CSMD1: variants seen among roughly 807,000 people sequenced by gnomAD.
CSMD1 encodes the protein CUB and Sushi multiple domains 1, also known as CUB and sushi domain-containing protein 1.
Under a neutral mutation model 417.5 loss-of-function variants are expected in CSMD1, and 213 were observed. The observed-to-expected ratio is 0.51, with a 90% CI of 0.46 to 0.57. CSMD1 has a LOEUF of 0.57. CSMD1 is among the 20% of genes least tolerant of loss of function. CSMD1 has a pLI of 0.00. For synonymous variants in CSMD1, 2,862 were observed against 1,736.8 expected (o/e 1.65, Z -16.11); for missense variants, 6,923 against 4,529.7 (o/e 1.53, Z -15.17).
intron 7 of CSMD1, among the ~76,000 whole-genome samples, chr8:3,683,955 C>T (rs772592364): frequency 2.0e-5 from 3 of 151,766 alleles, no homozygotes; most frequent in South Asian, 2.1e-4. Context: ...ACAATGCACA[C>T]CTTTTGCTTC....
At chr8:3,546,057 T>C (rs78768386) in intron 10 of CSMD1, among the ~76,000 whole-genome samples, 1,809 of 152,330 alleles carry the variant, frequency 0.012, 42 homozygotes, top group African/African-American at 0.041. Flanking sequence ...CTCCATCAAG[T>C]TGACATTTAA....
At chr8:3,203,963 C>A (rs547705028) in intron 31 of CSMD1, among the ~76,000 whole-genome samples, 80 of 152,306 alleles carry the variant, frequency 5.3e-4, no homozygotes, top group African/African-American at 1.9e-3. Context: ...CTGCCAGGGA[C>A]ATGGACCAGA....
At chr8:3,508,175 G>C (rs1197635952) in intron 10 of CSMD1, among the ~76,000 whole-genome samples, 3 of 152,092 alleles carry the variant, frequency 2.0e-5, no homozygotes, top group African/African-American at 7.2e-5. Context: ...ATTGAACAAT[G>C]ACCAACCTCC....
intron 1 of CSMD1, among the ~76,000 whole-genome samples, chr8:4,795,140 T>C (rs1385622364): frequency 6.6e-6 from 1 of 151,020 alleles, no homozygotes; most frequent in Admixed American, 6.6e-5. Context: ...AGACAGAAAC[T>C]GGTAAAGACG....
At chr8:3,372,184 A>G (rs1039504922) in intron 18 of CSMD1, among the ~76,000 whole-genome samples, 3 of 152,330 alleles carry the variant, frequency 2.0e-5, no homozygotes, top group Non-Finnish European at 2.9e-5. Flanking sequence ...TGGTCTATAA[A>G]TAAGGACTTG....
At chr8:3,743,184 G>A (rs1292444681) in intron 6 of CSMD1, among the ~76,000 whole-genome samples, 5 of 152,168 alleles carry the variant, frequency 3.3e-5, no homozygotes, top group African/African-American at 9.7e-5. Flanking sequence ...TGTGCTACAC[G>A]ACTCTTTTCA....
chr8:4,083,554 G>C (rs962065838), intron 3 of CSMD1, among the ~76,000 whole-genome samples: 8 of 152,134 alleles, frequency 5.3e-5, no homozygotes, highest in East Asian at 3.9e-4. Flanking sequence ...ACAACTGTCT[G>C]ATCTTTGACA....
intron 25 of CSMD1, among the ~76,000 whole-genome samples, chr8:3,301,619 G>A (rs77235992): frequency 1.8e-4 from 27 of 152,170 alleles, no homozygotes; most frequent in African/African-American, 6.0e-4. Context: ...CACCACAGTA[G>A]CACAGGCTAT....
intron 26 of CSMD1, among the ~76,000 whole-genome samples, chr8:3,270,118 T>C (rs1272488690): frequency 7.4e-6 from 1 of 134,758 alleles, no homozygotes; most frequent in African/African-American, 2.9e-5. Flanking sequence ...GGCACTGTCT[T>C]GGCCCACTGC....
chr8:4,814,729 A>C (rs1037803337), intron 1 of CSMD1, among the ~76,000 whole-genome samples: 10 of 152,160 alleles, frequency 6.6e-5, no homozygotes, highest in Non-Finnish European at 1.2e-4. Context: ...ATAGGTTTCC[A>C]GTATTTTTGT....
At chr8:4,936,851 C>T (rs376966191) in intron 1 of CSMD1, among the ~76,000 whole-genome samples, 2 of 152,210 alleles carry the variant, frequency 1.3e-5, no homozygotes, top group East Asian at 3.9e-4. Flanking sequence ...ATACATAAAA[C>T]ACTATTATTT....
intron 5 of CSMD1, among the ~76,000 whole-genome samples, chr8:3,826,572 G>A (rs116735127): frequency 6.6e-6 from 1 of 152,178 alleles, no homozygotes; most frequent in South Asian, 2.1e-4. Flanking sequence ...TCTCTGGGTT[G>A]AGATTAACCA....
intron 1 of CSMD1, among the ~76,000 whole-genome samples, chr8:4,879,605 G>A (rs1035302628): frequency 3.3e-5 from 5 of 151,988 alleles, no homozygotes; most frequent in Admixed American, 6.6e-5. Flanking sequence ...TAAGGAGACT[G>A]TAGTTACAGA....
At chr8:3,541,737 T>C (rs547751291) in intron 10 of CSMD1, among the ~76,000 whole-genome samples, 1 of 144,426 alleles carries the variant, frequency 6.9e-6, no homozygotes, top group East Asian at 2.0e-4. Flanking sequence ...AATTATAAAA[T>C]ATTATATAAA....
At position 2,977,468 on chromosome 8, in the gene CSMD1, T is replaced by C. The variant is rs116756620; in HGVS notation, c.8566+1144A>G. 5.7e-3 allele frequency among the ~76,000 whole-genome samples: 863 copies of C among 152,342 alleles called. 10 individuals are homozygous for C. Among genetic ancestry groups the C allele is most frequent in the African/African-American group, 0.018 (730 of 41,578 alleles). On this transcript the variant is annotated intron_variant, in intron 55 of 69. Transcript: ENST00000635120. ...TATGGCTGCATCACGTTCCACGGTG[T>C]GTATGTACCACGTTTTCTTTATTCA...
At chr8:4,322,673 T>C (rs1037097178) in intron 3 of CSMD1, among the ~76,000 whole-genome samples, 1 of 152,208 alleles carries the variant, frequency 6.6e-6, no homozygotes, top group Non-Finnish European at 1.5e-5. Context: ...GAATATTGCT[T>C]ATTTTCAAAG....
intron 3 of CSMD1, among the ~76,000 whole-genome samples, chr8:4,235,008 C>G (rs1032486481): frequency 1.3e-5 from 2 of 152,110 alleles, no homozygotes; most frequent in African/African-American, 4.8e-5. Context: ...CTCTAAATAC[C>G]ATCGTATTGG....
intron 3 of CSMD1, among the ~76,000 whole-genome samples, chr8:4,318,555 GC>G (rs1799071669): frequency 6.6e-6 from 1 of 152,026 alleles, no homozygotes; most frequent in Admixed American, 6.6e-5. Context: ...GTTAACAAGA[GC>G]TTTTACACTA....
At chr8:3,428,380 C>G (rs370381302) in intron 12 of CSMD1, among the ~76,000 whole-genome samples, 1 of 152,086 alleles carries the variant, frequency 6.6e-6, no homozygotes, top group African/African-American at 2.4e-5. Context: ...AATTACAGTA[C>G]AAATCTTGAC....
Sources: gnomAD v4.1 joint callset for allele counts (sites outside exome capture counted in the v4.1 genomes callset) on GRCh38, gnomAD v4.1.1 for gene constraint, MANE v1.5 for transcripts, NCBI Gene and HGNC (gene_info 2026-07-23, HGNC 2026-07-21) for gene names.